Variants in LMX1B observed in about 807,000 individuals in gnomAD.
The protein encoded by LMX1B is LIM homeobox transcription factor 1 beta.
Under a neutral mutation model 51.4 loss-of-function variants are expected in LMX1B, and 12 were observed. That is an observed-to-expected ratio of 0.23 (90% CI 0.15 to 0.38). The LOEUF is 0.38. Ranked by LOEUF, LMX1B falls within the 10% of genes least tolerant of loss-of-function variation. The probability of loss-of-function intolerance (pLI) is 1.00; values close to 1 mark genes in which losing one functional copy is unlikely to be tolerated. For synonymous variants in LMX1B, 237 were observed against 235.4 expected (o/e 1.01, Z -0.06); for missense variants, 445 against 571.1 (o/e 0.78, Z 2.25).
chr9:126,645,209 C>G (rs930821480), intron 2 of LMX1B, among the ~76,000 whole-genome samples: 4 of 152,222 alleles, frequency 2.6e-5, no homozygotes, highest in Non-Finnish European at 5.9e-5. Context: ...CTCCCAGACA[C>G]CACTCCAGAT....
At chr9:126,668,443 T>TTTTTTATTATTA (rs1554726311) in intron 2 of LMX1B, among the ~76,000 whole-genome samples, 7 of 146,922 alleles carry the variant, frequency 4.8e-5, no homozygotes, top group African/African-American at 1.8e-4. Context: ...AGAAGCAGGA[T>TTTTTTATTATTA]TTATTATTAT....
At chr9:126,690,130 G>A (rs1237246880) in intron 2 of LMX1B, among the ~76,000 whole-genome samples, 1 of 152,216 alleles carries the variant, frequency 6.6e-6, no homozygotes, top group East Asian at 1.9e-4. Context: ...GGGAAGCAGA[G>A]GGTAGAAAGG....
chr9:126,678,983 TAA>T (rs760417694), intron 2 of LMX1B, among the ~76,000 whole-genome samples: 1 of 152,194 alleles, frequency 6.6e-6, no homozygotes, highest in Non-Finnish European at 1.5e-5. Context: ...CCAAAATCCT[TAA>T]AGTCATAATG....
chr9:126,692,137 G>A (rs1002416619), intron 3 of LMX1B, among the ~76,000 whole-genome samples: 8 of 152,218 alleles, frequency 5.3e-5, no homozygotes, highest in Non-Finnish European at 1.2e-4. Flanking sequence ...CAGGGCCTGC[G>A]TGGAGGCAGT....
At chr9:126,627,574 C>T (rs1835559210) in intron 2 of LMX1B, among the ~76,000 whole-genome samples, 1 of 152,046 alleles carries the variant, frequency 6.6e-6, no homozygotes, top group Admixed American at 6.6e-5. Flanking sequence ...TCTGAGCCTG[C>T]TCCCCTTCTT....
intron 6 of LMX1B, among the ~76,000 whole-genome samples, chr9:126,694,612 C>T (rs1039558440): frequency 2.6e-5 from 4 of 152,220 alleles, no homozygotes; most frequent in Non-Finnish European, 5.9e-5. Context: ...GGGGACAGAG[C>T]TGCCTGCGCC....
At chr9:126,688,611 T>G (rs1222844318) in intron 2 of LMX1B, among the ~76,000 whole-genome samples, 2 of 152,188 alleles carry the variant, frequency 1.3e-5, no homozygotes, top group South Asian at 2.1e-4. Flanking sequence ...TCGGGAGAGC[T>G]GGACAGCCAG....
At chr9:126,661,823 G>A (rs76187783) in intron 2 of LMX1B, among the ~76,000 whole-genome samples, 5,586 of 152,312 alleles carry the variant, frequency 0.037, 109 homozygotes, top group Middle Eastern at 0.048. Context: ...AGAGGGGAGG[G>A]GGACACCTGG....
intron 2 of LMX1B, among the ~76,000 whole-genome samples, chr9:126,669,860 G>A (rs1305598413): frequency 2.0e-5 from 3 of 152,266 alleles, no homozygotes; most frequent in Non-Finnish European, 2.9e-5. Flanking sequence ...CCTTCCCCCA[G>A]GATGGCCCCC....
At position 126,615,979 on chromosome 9, in the gene LMX1B, T is replaced by TCCTGGAG. The variant is rs1268772217; in HGVS notation, c.326+420_326+426dup. Among the ~76,000 whole-genome samples the TCCTGGAG allele has an allele frequency of 1.3e-5, 2 of 152,162 alleles. No homozygotes were observed. The highest frequency in any genetic ancestry group is 2.4e-5 in the African/African-American group (1 of 41,444). ...GGCCTGGTGTGTGGGGGTTTGGGATTCCTGGAGCCTGGAGCCAGGAGCCAG... is the reference window on the plus strand; with the variant it reads ...GGCCTGGTGTGTGGGGGTTTGGGATTCCTGGAGCCTGGAGCCTGGAGCCAGGAGCCAG... On this transcript the variant is annotated intron_variant, in intron 2 of 7. Coordinates refer to ENST00000373474, the MANE Select transcript of LMX1B (RefSeq NM_001174147.2). The surrounding 1 kb of genome is among the most constrained non-coding windows in gnomAD (Gnocchi z 6.0).
chr9:126,686,228 C>T (rs574901116), intron 2 of LMX1B, among the ~76,000 whole-genome samples: 5 of 142,680 alleles, frequency 3.5e-5, no homozygotes, highest in Admixed American at 7.6e-5. Flanking sequence ...TGCAGTGAGC[C>T]GAGATCATAC....
chr9:126,660,060 G>C (rs867768272), intron 2 of LMX1B, among the ~76,000 whole-genome samples: 1 of 143,226 alleles, frequency 7.0e-6, no homozygotes, highest in Non-Finnish European at 1.5e-5. Flanking sequence ...GTTGTCCTGC[G>C]TGGGGGTGTC....
At chr9:126,651,723 G>T (rs1307064428) in intron 2 of LMX1B, among the ~76,000 whole-genome samples, 1 of 152,052 alleles carries the variant, frequency 6.6e-6, no homozygotes, top group Non-Finnish European at 1.5e-5. Context: ...AGGAACATGG[G>T]GTGCTCAGAA....
chr9:126,652,461 G>A (rs148894276), intron 2 of LMX1B, among the ~76,000 whole-genome samples: 3,386 of 152,340 alleles, frequency 0.022, 48 homozygotes, highest in Middle Eastern at 0.048. Flanking sequence ...CCGCATGGGC[G>A]GGGCTGGCTC....
chr9:126,700,062 AAC>A lies in LMX1B; in HGVS notation c.*3615_*3616del, dbSNP rs2030487958. 6.6e-6 allele frequency: 1 copy of A among 152,194 alleles called. No individual in the cohort carries two copies. Among genetic ancestry groups the A allele is most frequent in the African/African-American group, 2.4e-5 (1 of 41,426 alleles). The allele number at this position is 152,194 out of a possible 1,614,324, so 9.4% of individuals were successfully genotyped here. ...GAAAGAGGAAATAATTGCCCCAGGT[AAC>A]ACAGGGCAGAGGAGGGACAAAAAGC... is the stretch of plus-strand genomic sequence containing the variant. On this transcript the variant is annotated 3_prime_UTR_variant, in exon 8 of 8. Transcript: ENST00000373474.
At chr9:126,693,978 G>C in intron 6 of LMX1B, 166 bp downstream of exon 6, 1 of 586,526 alleles carries the variant, frequency 1.7e-6, no homozygotes, top group East Asian at 2.9e-5. Flanking sequence ...AGGGGCCCGG[G>C]ATGTTTCTTT....
At chr9:126,691,642 C>T (rs1309713951) in intron 3 of LMX1B, among the ~76,000 whole-genome samples, 1 of 152,140 alleles carries the variant, frequency 6.6e-6, no homozygotes, top group African/African-American at 2.4e-5. Context: ...TTGATGGCCC[C>T]CCACCAACCC....
At chr9:126,631,986 C>A (rs1049037972) in intron 2 of LMX1B, among the ~76,000 whole-genome samples, 1 of 152,094 alleles carries the variant, frequency 6.6e-6, no homozygotes, top group South Asian at 2.1e-4. Context: ...GAAAAGGGAA[C>A]GGTAGGTGCG....
rs1203797341 is a variant in LMX1B, at chr9:126,693,726, G to A, written c.820-20G>A. 3 of 1,566,622 alleles carry A rather than the reference G, an allele frequency of 1.9e-6. No individual in the cohort carries two copies. The highest frequency in any genetic ancestry group is 1.2e-5 in the South Asian group (1 of 86,096). ...TGGGGGCGAGGGGCAGCACCGGCCTGAACTGCGCTCTCCCTGCAGATGAAG... is the reference window on the plus strand; with the variant it reads ...TGGGGGCGAGGGGCAGCACCGGCCTAAACTGCGCTCTCCCTGCAGATGAAG... On this transcript the variant is annotated intron_variant, in intron 5 of 7. Coordinates refer to ENST00000373474, the MANE Select transcript of LMX1B (RefSeq NM_001174147.2).
Sources: allele counts gnomAD v4.1 joint callset (sites outside exome capture counted in the v4.1 genomes callset), GRCh38; gene constraint gnomAD v4.1.1; non-coding constraint Gnocchi (gnomAD v3.1); transcripts MANE v1.5; gene names NCBI Gene and HGNC (gene_info 2026-07-23, HGNC 2026-07-21).